PCDH15: variants seen among roughly 807,000 people sequenced by gnomAD.
PCDH15 encodes protocadherin related 15.
PCDH15 carries 129 observed loss-of-function variants against 178.5 expected under a neutral mutation model. The ratio of observed to expected loss-of-function variants is 0.72; its 90% CI spans 0.63 to 0.84. PCDH15 has a LOEUF of 0.84. PCDH15 is among the 40% of genes least tolerant of loss of function. The pLI is 0.00. For synonymous variants in PCDH15, 800 were observed against 732.0 expected, an observed-to-expected ratio of 1.09 and a Z score of -1.50; for missense variants, 2,230 against 2,099.9, an observed-to-expected ratio of 1.06 and a Z score of -1.21.
chr10:55,270,138 A>T (rs1344439782), intron 1 of PCDH15, among the ~76,000 whole-genome samples: 1 of 152,174 alleles, frequency 6.6e-6, no homozygotes, highest in East Asian at 1.9e-4. Context: ...TTAACTCAAG[A>T]TGAATAAAAC....
At chr10:55,418,509 A>G (rs1838539773) in intron 2 of PCDH15, among the ~76,000 whole-genome samples, 1 of 151,810 alleles carries the variant, frequency 6.6e-6, no homozygotes, top group South Asian at 2.1e-4. Context: ...TCAGTTAGTA[A>G]AAGAAAACAG....
chr10:55,047,094 T>A (rs1291964170), intron 2 of PCDH15, among the ~76,000 whole-genome samples: 1 of 151,922 alleles, frequency 6.6e-6, no homozygotes, highest in Non-Finnish European at 1.5e-5. Flanking sequence ...TTTAGAAAAT[T>A]ACATGAAGGA....
At chr10:54,771,790 G>A (rs534270294) in intron 1 of PCDH15, among the ~76,000 whole-genome samples, 74 of 152,106 alleles carry the variant, frequency 4.9e-4, no homozygotes, top group African/African-American at 1.3e-3. Context: ...TCACACTTCC[G>A]TCTTAAAATT....
intron 2 of PCDH15, among the ~76,000 whole-genome samples, chr10:55,462,083 G>A (rs190666741): frequency 5.3e-5 from 8 of 152,088 alleles, no homozygotes; most frequent in Non-Finnish European, 2.9e-5. Flanking sequence ...AGTTTACCTA[G>A]CTTGACTCCC....
intron 3 of PCDH15, among the ~76,000 whole-genome samples, chr10:54,833,422 T>C (rs1006099934): frequency 1.3e-5 from 2 of 152,190 alleles, no homozygotes; most frequent in Non-Finnish European, 2.9e-5. Context: ...TCACCCTCCA[T>C]GGCATGGATT....
chr10:54,545,481 A>G (rs1590020767), intron 2 of PCDH15, among the ~76,000 whole-genome samples: 1 of 138,276 alleles, frequency 7.2e-6, no homozygotes, highest in Admixed American at 6.8e-5. Context: ...CTATTGGTTC[A>G]AGTAAGGAAT....
intron 37 of PCDH15, chr10:53,808,326 GTGTGTATATATATATA>G: frequency 2.2e-6 from 1 of 452,062 alleles, no homozygotes; most frequent in East Asian, 1.7e-4. Context: ...TATAGTGTGT[GTGTGTATATATATATA>G]TATATATATA....
At chr10:54,629,722 T>G (rs1414246260) in intron 2 of PCDH15, among the ~76,000 whole-genome samples, 6 of 152,176 alleles carry the variant, frequency 3.9e-5, no homozygotes, top group Non-Finnish European at 2.9e-5. Context: ...TTCAACATAG[T>G]ACTGGAAGTC....
intron 2 of PCDH15, among the ~76,000 whole-genome samples, chr10:54,607,294 T>C (rs921398510): frequency 6.6e-6 from 1 of 152,094 alleles, no homozygotes; most frequent in Non-Finnish European, 1.5e-5. Flanking sequence ...GCAATAAATG[T>C]GGTAAACAAT....
intron 28 of PCDH15, among the ~76,000 whole-genome samples, chr10:53,842,296 G>T (rs1049354476): frequency 1.3e-5 from 2 of 152,000 alleles, no homozygotes; most frequent in Non-Finnish European, 2.9e-5. Context: ...TCATTCTGTC[G>T]CCCAGGCTGG....
At chr10:54,593,833 T>C (rs2092038718) in intron 2 of PCDH15, among the ~76,000 whole-genome samples, 1 of 152,046 alleles carries the variant, frequency 6.6e-6, no homozygotes. Context: ...ATGAATGTTT[T>C]TTCATTTATC....
chr10:54,593,153 T>C (rs2091986134), intron 2 of PCDH15, among the ~76,000 whole-genome samples: 1 of 152,208 alleles, frequency 6.6e-6, no homozygotes. Flanking sequence ...TTTCTTTTAC[T>C]GTGCAGAAGC....
intron 2 of PCDH15, among the ~76,000 whole-genome samples, chr10:55,603,918 C>T (rs1333968251): frequency 1.4e-5 from 2 of 145,150 alleles, no homozygotes; most frequent in African/African-American, 5.1e-5. Flanking sequence ...TGTAAATGGA[C>T]TAAATGCTCC....
At chr10:55,489,035 T>C (rs73269341) in intron 2 of PCDH15, among the ~76,000 whole-genome samples, 3,672 of 151,666 alleles carry the variant, frequency 0.024, 148 homozygotes, top group African/African-American at 0.084. Context: ...AAACTGAATA[T>C]TATGATTTAA....
chr10:54,357,871 C>G (rs1000158516), intron 5 of PCDH15, among the ~76,000 whole-genome samples: 3 of 152,056 alleles, frequency 2.0e-5, no homozygotes, highest in African/African-American at 7.2e-5. Context: ...ATATCTACAA[C>G]TATCTGATCT....
intron 29 of PCDH15, among the ~76,000 whole-genome samples, chr10:53,832,542 A>G (rs1301493972): frequency 6.6e-6 from 1 of 151,920 alleles, no homozygotes; most frequent in Non-Finnish European, 1.5e-5. Context: ...GACAGTCATA[A>G]TCACTTCTAA....
At chr10:54,258,522 ACAT>A (rs2132241104) in intron 8 of PCDH15, among the ~76,000 whole-genome samples, 1 of 152,310 alleles carries the variant, frequency 6.6e-6, no homozygotes, top group East Asian at 1.9e-4. Context: ...AGGCAGAATC[ACAT>A]CATGACACAG....
chr10:54,246,392 A>C (rs2055927178), intron 8 of PCDH15, among the ~76,000 whole-genome samples: 1 of 151,800 alleles, frequency 6.6e-6, no homozygotes. Flanking sequence ...CCTGTTTTAA[A>C]TTTTCTATAA....
intron 15 of PCDH15, among the ~76,000 whole-genome samples, chr10:54,115,540 C>T (rs1324229757): frequency 6.6e-6 from 1 of 152,202 alleles, no homozygotes; most frequent in Non-Finnish European, 1.5e-5. Context: ...CTTTCTGAGG[C>T]AACCTGCGTC....
Sources: gnomAD v4.1 joint callset for allele counts (sites outside exome capture counted in the v4.1 genomes callset) on GRCh38, gnomAD v4.1.1 for gene constraint, MANE v1.5 for transcripts, NCBI Gene and HGNC (gene_info 2026-07-23, HGNC 2026-07-21) for gene names.